The following DNAH12 variants were observed in gnomAD, a reference collection of about 807,000 sequenced individuals.
DNAH12 encodes the protein axonemal beta dynein heavy chain 12.
DNAH12 carries 285 observed loss-of-function variants against 371.5 expected under a neutral mutation model. The ratio of observed to expected loss-of-function variants is 0.77; its 90% CI spans 0.70 to 0.85. The LOEUF is 0.85. Among genes scored for constraint, DNAH12 ranks in the 40% least tolerant of loss-of-function variants. The probability of loss-of-function intolerance (pLI) is 0.00; values close to 1 mark genes in which losing one functional copy is unlikely to be tolerated. For synonymous variants in DNAH12, 1,200 were observed against 1,213.0 expected (o/e 0.99, Z 0.22); for missense variants, 3,611 against 3,689.4 (o/e 0.98, Z 0.55).
chr3:57,391,236 T>C (rs2063616054), intron 45 of DNAH12, among the ~76,000 whole-genome samples: 1 of 152,186 alleles, frequency 6.6e-6, no homozygotes. Flanking sequence ...CTAATGTCAG[T>C]GGGCTGCATC....
Position 57,453,301 on chromosome 3 carries a change from A to G in DNAH12, c.3559T>C (p.Leu1187=), listed in dbSNP as rs1451299660. The G allele has an allele frequency of 5.8e-6, 9 of 1,550,036 alleles. No individual in the cohort carries two copies. The Admixed American group carries it at 5.9e-5, about 10-fold the overall frequency. ...CTAGCATGGACATCAATAGTAACCAAAGCCCCCAGAGTGGTCCTGGTCTGC... is the reference window on the plus strand; with the variant it reads ...CTAGCATGGACATCAATAGTAACCAGAGCCCCCAGAGTGGTCCTGGTCTGC... ...SKQTRTTLGA[L]VTIDVHARDV... Residue 1187 remains leucine, a synonymous_variant, in exon 24 of 74, where the codon TTG becomes CTG. Transcript: ENST00000495027.
At chr3:57,545,946 G>C (rs1299258898), upstream of DNAH12, among the ~76,000 whole-genome samples, 2 of 152,174 alleles carry the variant, frequency 1.3e-5, no homozygotes, top group African/African-American at 2.4e-5. Context: ...GGCTCCAGTA[G>C]GTTCCAGTGG....
chr3:57,428,871 C>A, intron 33 of DNAH12, 50 bp from the exon 34 acceptor site: 1 of 1,452,484 alleles, frequency 6.9e-7, no homozygotes, highest in Non-Finnish European at 9.1e-7. Context: ...ACCAGTGGCA[C>A]CTGGCAATTA....
At chr3:57,538,421 G>A (rs1385437537) in intron 2 of DNAH12, among the ~76,000 whole-genome samples, 1 of 133,444 alleles carries the variant, frequency 7.5e-6, no homozygotes, top group Non-Finnish European at 1.7e-5. Context: ...CACAATAAAG[G>A]CAAGGTTCTT....
rs181561907 is a variant in DNAH12 at position 57,405,628 on chromosome 3, A to G, written c.6576+25T>C. The G allele has an allele frequency of 6.7e-5, 103 of 1,542,368 alleles. No homozygotes were observed. The East Asian group carries it at 1.6e-3, about 25-fold the overall frequency. On this transcript the variant is annotated intron_variant, in intron 41 of 73. Transcript: ENST00000495027. ...TCATATATGGTACTGCTTTAACTCA[A>G]TATGTTCTTAATCGCCATACTCACT...
At chr3:57,390,424 A>AAAAAAAAAAATATATATATATATATAT in intron 45 of DNAH12, among the ~76,000 whole-genome samples, 3 of 33,432 alleles carry the variant, frequency 9.0e-5, no homozygotes, top group Non-Finnish European at 2.1e-4. Flanking sequence ...AAAAAAAAAA[A>AAAAAAAAAAATATATATATATATATAT]ATATATATAT....
chr3:57,403,287 C>T, intron 43 of DNAH12, 22 bp downstream of exon 43: 6 of 1,529,816 alleles, frequency 3.9e-6, no homozygotes, highest in Non-Finnish European at 5.3e-6. Flanking sequence ...ATTTTAGATA[C>T]TAGGCTTCTT....
At chr3:57,364,144 A>G (rs1174372004) in intron 57 of DNAH12, among the ~76,000 whole-genome samples, 3 of 152,158 alleles carry the variant, frequency 2.0e-5, no homozygotes, top group African/African-American at 7.2e-5. Context: ...CATATTTTCT[A>G]TAGTAGCACA....
chr3:57,454,110 A>G (rs764382705), intron 23 of DNAH12, among the ~76,000 whole-genome samples: 2 of 152,006 alleles, frequency 1.3e-5, no homozygotes, highest in Non-Finnish European at 2.9e-5. Flanking sequence ...CCCTGTCTCT[A>G]AACACACACA....
Position 57,302,529 on chromosome 3 carries a change from G to GTTCATATATATATA in DNAH12, c.11190-591_11190-590insTATATATATATGAA, listed in dbSNP as rs879293648. Among the ~76,000 whole-genome samples the GTTCATATATATATA allele has an allele frequency of 2.9e-3, 138 of 47,846 alleles. 6 individuals are homozygous for GTTCATATATATATA. The highest frequency in any genetic ancestry group is 0.011 in the African/African-American group (134 of 11,758). 31.4% of individuals were successfully genotyped at this position (47,846 alleles called of 152,430 possible). A position where few individuals can be genotyped will look rare whatever the true frequency, so the allele number is the denominator to read the frequency against. ...TGCTGAATTAACTAAGGCATCAGGT[G>GTTCATATATATATA]TATATATATATATATATATATATAT... On this transcript the variant is annotated intron_variant, in intron 69 of 73. Transcript: ENST00000495027.
intron 42 of DNAH12, among the ~76,000 whole-genome samples, chr3:57,404,324 T>C (rs2063959286): frequency 6.6e-6 from 1 of 152,226 alleles, no homozygotes; most frequent in African/African-American, 2.4e-5. Flanking sequence ...CAGAAGATTA[T>C]ATCCAGTATT....
intron 11 of DNAH12, among the ~76,000 whole-genome samples, chr3:57,500,509 G>A (rs1215893851): frequency 6.6e-6 from 1 of 152,094 alleles, no homozygotes; most frequent in African/African-American, 2.4e-5. Flanking sequence ...CTGTGTCCCT[G>A]TTCCCTATTC....
At chr3:57,316,133 CT>C (rs10652760) in intron 65 of DNAH12, among the ~76,000 whole-genome samples, 182 of 144,252 alleles carry the variant, frequency 1.3e-3, no homozygotes, top group South Asian at 2.2e-3. Context: ...ACCCCTTCCC[CT>C]TTTTTTTTTT....
intron 13 of DNAH12, among the ~76,000 whole-genome samples, chr3:57,480,592 A>T (rs1441204744): frequency 6.6e-6 from 1 of 151,324 alleles, no homozygotes; most frequent in Admixed American, 6.6e-5. Flanking sequence ...TCATCCTGAT[A>T]CCAAAGCCGG....
intron 30 of DNAH12, among the ~76,000 whole-genome samples, chr3:57,435,158 G>C (rs1454402305): frequency 6.6e-6 from 1 of 151,990 alleles, no homozygotes; most frequent in Non-Finnish European, 1.5e-5. Context: ...GATCACTTGA[G>C]GTCAGGAGTT....
intron 65 of DNAH12, among the ~76,000 whole-genome samples, chr3:57,315,434 G>T (rs1460586407): frequency 6.7e-6 from 1 of 149,626 alleles, no homozygotes; most frequent in Non-Finnish European, 1.5e-5. Context: ...GAATGCTGTG[G>T]TGAAACATTT....
At chr3:57,524,096 CAA>C (rs372791998) in intron 2 of DNAH12, among the ~76,000 whole-genome samples, 134 of 152,020 alleles carry the variant, frequency 8.8e-4, no homozygotes, top group Middle Eastern at 3.4e-3. Flanking sequence ...AACTAAAAAT[CAA>C]AATCAAATTT....
chr3:57,449,085 G>A (rs199955131), intron 25 of DNAH12, among the ~76,000 whole-genome samples: 11,753 of 44,840 alleles, frequency 0.26, 3,090 homozygotes, highest in South Asian at 0.44. Flanking sequence ...ACAGAGTGCC[G>A]ATTGGTGTAT....
intron 65 of DNAH12, among the ~76,000 whole-genome samples, chr3:57,316,374 TC>T (rs1266668368): frequency 2.6e-5 from 4 of 152,236 alleles, no homozygotes; most frequent in African/African-American, 9.6e-5. Context: ...CAAAATGAGG[TC>T]CTTATTGCTC....
Sources: gnomAD v4.1 joint callset for allele counts (sites outside exome capture counted in the v4.1 genomes callset) on GRCh38, gnomAD v4.1.1 for gene constraint, MANE v1.5 for transcripts, NCBI Gene and HGNC (gene_info 2026-07-23, HGNC 2026-07-21) for gene names.